Variants in COG3 observed in about 807,000 individuals in gnomAD.
The protein encoded by COG3 is component of oligomeric golgi complex 3, also known as conserved oligomeric Golgi complex subunit 3.
In COG3, 32 loss-of-function variants were observed where a neutral mutation model predicts 114.1. The ratio of observed to expected loss-of-function variants is 0.28; its 90% CI spans 0.21 to 0.38. COG3 has a LOEUF of 0.38. COG3 is among the 10% of genes least tolerant of loss of function. The pLI, the probability that COG3 is intolerant of heterozygous loss-of-function variation, is 1.00. For missense variants in COG3, 813 were observed against 973.2 expected (o/e 0.84, Z 2.19); for synonymous variants, 352 against 365.7 (o/e 0.96, Z 0.43).
intron 10 of COG3, 82 bp downstream of exon 10, chr13:45,491,620 T>A: frequency 7.4e-7 from 1 of 1,347,672 alleles, no homozygotes; most frequent in Non-Finnish European, 1.0e-6. Flanking sequence ...CCTGGTTAAA[T>A]AAGATTTGGG....
intron 14 of COG3, among the ~76,000 whole-genome samples, chr13:45,508,845 C>G (rs1208623332): frequency 6.6e-6 from 1 of 152,158 alleles, no homozygotes; most frequent in African/African-American, 2.4e-5. Flanking sequence ...TGGGGGGAAG[C>G]CCGCTCTGGT....
chr13:45,471,904 T>G (rs1885519353), intron 1 of COG3, among the ~76,000 whole-genome samples: 1 of 152,156 alleles, frequency 6.6e-6, no homozygotes, highest in Non-Finnish European at 1.5e-5. Context: ...GGCTAATTTT[T>G]GTATTTTTAG....
intron 1 of COG3, among the ~76,000 whole-genome samples, chr13:45,472,212 G>A (rs1020186234): frequency 2.0e-5 from 3 of 152,012 alleles, no homozygotes; most frequent in African/African-American, 7.3e-5. Context: ...TTATTTCTCT[G>A]TATAGAATAT....
intron 15 of COG3, among the ~76,000 whole-genome samples, chr13:45,510,139 G>C (rs1359969275): frequency 6.8e-6 from 1 of 146,206 alleles, no homozygotes; most frequent in Middle Eastern, 3.2e-3. Context: ...GTCATGTAAT[G>C]AATTGTCTAG....
At chr13:45,471,448 T>A (rs1885476860) in intron 1 of COG3, among the ~76,000 whole-genome samples, 2 of 152,096 alleles carry the variant, frequency 1.3e-5, no homozygotes, top group African/African-American at 4.8e-5. Context: ...TATTCTTCCA[T>A]TTCTTCCTTT....
Position 45,535,653 on chromosome 13 carries a change from A to C in COG3, c.*922A>C. 1 of 985,668 alleles carries C rather than the reference A, an allele frequency of 1.0e-6. No homozygotes were observed. The highest frequency in any genetic ancestry group is 1.2e-6 in the Non-Finnish European group (1 of 830,094). 61.1% of individuals were successfully genotyped at this position (985,668 alleles called of 1,614,324 possible). ...ACTTTCATGTCCTGTCTATTCATTC[A>C]GCTGGCTGTGCTGTGCTGTGGACCA... On this transcript the variant is annotated 3_prime_UTR_variant, in exon 23 of 23. Transcript: ENST00000349995.
intron 16 of COG3, 109 bp downstream of exon 16, chr13:45,511,963 T>A: frequency 6.3e-6 from 5 of 795,116 alleles, no homozygotes; most frequent in Non-Finnish European, 2.1e-6. Flanking sequence ...AGGATTTGTT[T>A]AACATGATTG....
intron 14 of COG3, among the ~76,000 whole-genome samples, chr13:45,505,363 G>A (rs1230412104): frequency 1.4e-5 from 2 of 145,368 alleles, no homozygotes; most frequent in Non-Finnish European, 3.0e-5. Context: ...GTGCAGTGGT[G>A]CAGTCTCAGC....
intron 15 of COG3, 80 bp downstream of exon 15, chr13:45,509,896 T>A: frequency 7.5e-7 from 1 of 1,341,372 alleles, no homozygotes; most frequent in Non-Finnish European, 1.0e-6. Flanking sequence ...CTTGATAAAG[T>A]ATTTTGTTGG....
Position 45,464,965 on chromosome 13 carries a change from G to C in COG3, c.-72G>C, listed in dbSNP as rs1885034256. ...CAGTGTTGGAAGCTCCGGTTCTCCCGGAAGTGGCCCAGGTCTCTCTGTCGG... is the reference window on the plus strand; with the variant it reads ...CAGTGTTGGAAGCTCCGGTTCTCCCCGAAGTGGCCCAGGTCTCTCTGTCGG... On this transcript the variant is annotated 5_prime_UTR_variant, in exon 1 of 23. Coordinates refer to ENST00000349995, the MANE Select transcript of COG3 (RefSeq NM_031431.4). 1 of 1,493,100 alleles carries C rather than the reference G, an allele frequency of 6.7e-7. No homozygotes were observed. The highest frequency in any genetic ancestry group is 2.3e-5 in the Admixed American group (1 of 43,734). The allele number at this position is 1,493,100 out of a possible 1,614,324, so 92.5% of individuals were successfully genotyped here.
chr13:45,519,010 C>A lies in COG3; in HGVS notation c.2070C>A (p.Asp690Glu). Residue 690 changes from aspartate to glutamate, a missense_variant, in exon 19 of 23, where the codon GAC becomes GAA. Coordinates refer to ENST00000349995, the MANE Select transcript of COG3 (RefSeq NM_031431.4). ...EHYLDSKKDV[D>E]RHLKSACEQF... ...ATCTTGACTCTAAAAAAGACGTAGA[C>A]CGTCATCTGAAATCGGCCTGTGAGC... 1 of 1,614,114 alleles carries A rather than the reference C, an allele frequency of 6.2e-7. No individual in the cohort carries two copies.
At chr13:45,504,150 A>G (rs1869859856) in intron 14 of COG3, among the ~76,000 whole-genome samples, 1 of 152,176 alleles carries the variant, frequency 6.6e-6, no homozygotes, top group South Asian at 2.1e-4. Flanking sequence ...CTGTAACTCC[A>G]TGGGCTTTAA....
In COG3 at chr13:45,480,133, G is replaced by A. The variant is rs1265868699; in HGVS notation, c.392G>A (p.Arg131Lys). 1.9e-6 allele frequency: 3 copies of A among 1,610,268 alleles called. No homozygotes were observed. The highest frequency in any genetic ancestry group is 1.1e-5 in the South Asian group (1 of 90,434). The change falls in exon 4 of 23, where the codon AGG becomes AAG. Residue 131 changes from arginine to lysine, a missense_variant. Arg to Lys is a conservative substitution (Grantham distance 26). Around this residue, in one of 2 missense-constraint regions of COG3, gnomAD observed 424 missense variants for 430.6 expected, o/e 0.98. Transcript: ENST00000349995. ...QDEGTKYRQM[R>K]DYLSGFQEQC... is the part of the protein sequence containing the mutation. ...TTGGTTCTGTTTTCTAGACAGATGAGGGATTACTTGTCTGGGTTTCAGGAG... is the reference window on the plus strand; with the variant it reads ...TTGGTTCTGTTTTCTAGACAGATGAAGGATTACTTGTCTGGGTTTCAGGAG...
intron 6 of COG3, 45 bp downstream of exon 6, chr13:45,482,518 C>G: frequency 1.1e-6 from 1 of 901,688 alleles, no homozygotes; most frequent in Middle Eastern, 2.3e-4. Flanking sequence ...TCCTTAGATT[C>G]CTATTCCTGT....
At chr13:45,514,505 C>T (rs548699411) in intron 16 of COG3, among the ~76,000 whole-genome samples, 1 of 152,010 alleles carries the variant, frequency 6.6e-6, no homozygotes, top group African/African-American at 2.4e-5. Context: ...TTTGATAGTT[C>T]GGTCTTTTGC....
At chr13:45,514,157 CTTTTTTTTTTT>C (rs57033822) in intron 16 of COG3, among the ~76,000 whole-genome samples, 1 of 93,858 alleles carries the variant, frequency 1.1e-5, no homozygotes, top group African/African-American at 4.1e-5. Flanking sequence ...TGTCCTCTCT[CTTTTTTTTTTT>C]TTTTTTTTTT....
At chr13:45,510,912 A>G (rs1870787482) in intron 15 of COG3, among the ~76,000 whole-genome samples, 2 of 152,220 alleles carry the variant, frequency 1.3e-5, no homozygotes, top group African/African-American at 4.8e-5. Flanking sequence ...TTCCTATAGT[A>G]ATAGCCTTGT....
In COG3 at chr13:45,465,018, G is replaced by GGCC; in HGVS notation, c.-16_-14dup. 1 of 1,552,536 alleles carries GGCC rather than the reference G, an allele frequency of 6.4e-7. No individual in the cohort carries two copies. Among genetic ancestry groups the GGCC allele is most frequent in the Non-Finnish European group, 8.7e-7 (1 of 1,150,194 alleles). ...TCCCCTCCATCTCGCTGCTGCTGAAGGCCGCGAGGGCGGCGGCGATGGCGG... is the reference window on the plus strand; with the variant it reads ...TCCCCTCCATCTCGCTGCTGCTGAAGGCCGCCGCGAGGGCGGCGGCGATGGCGG... On this transcript the variant is annotated 5_prime_UTR_variant, in exon 1 of 23. Transcript: ENST00000349995.
intron 13 of COG3, among the ~76,000 whole-genome samples, chr13:45,497,764 T>C (rs3014952): frequency 0.9 from 136,389 of 151,736 alleles, 61,437 homozygotes; most frequent in African/African-American, 0.94. Flanking sequence ...CCAGCCTGGG[T>C]GACAGAGCCA....
Sources: gnomAD v4.1 joint callset for allele counts (sites outside exome capture counted in the v4.1 genomes callset) on GRCh38, gnomAD v4.1.1 for gene constraint, gnomAD v4.1.1 regional missense constraint, MANE v1.5 for transcripts, NCBI Gene and HGNC (gene_info 2026-07-23, HGNC 2026-07-21) for gene names.